Variants in MSRA observed in about 807,000 individuals in gnomAD.
MSRA encodes mitochondrial peptide methionine sulfoxide reductase.
In MSRA, 54 loss-of-function variants were observed where a neutral mutation model predicts 31.3. That is an observed-to-expected ratio of 1.73 (90% CI 1.39 to 2.17). The LOEUF is 2.17. Ranked by LOEUF, MSRA falls within the 30% of genes most tolerant of loss-of-function variation. MSRA has a pLI of 0.00. For missense variants in MSRA, 507 were observed against 300.9 expected (o/e 1.69, Z -5.07); for synonymous variants, 169 against 116.5 (o/e 1.45, Z -2.90).
intron 3 of MSRA, among the ~76,000 whole-genome samples, chr8:10,264,100 A>C (rs1481944265): frequency 6.6e-6 from 1 of 152,192 alleles, no homozygotes; most frequent in Admixed American, 6.5e-5. Context: ...GAGCCTTCCA[A>C]GTTTATATGA....
intron 1 of MSRA, among the ~76,000 whole-genome samples, chr8:10,140,272 C>T (rs1232711730): frequency 6.6e-6 from 1 of 152,114 alleles, no homozygotes; most frequent in East Asian, 1.9e-4. Context: ...GGGCACTTCA[C>T]CAATGAGAAT....
At chr8:10,391,064 G>C (rs1292607140) in intron 5 of MSRA, among the ~76,000 whole-genome samples, 2 of 151,924 alleles carry the variant, frequency 1.3e-5, no homozygotes, top group Non-Finnish European at 2.9e-5. Context: ...TCACGTTCTG[G>C]CACTTCAAAA....
intron 1 of MSRA, among the ~76,000 whole-genome samples, chr8:10,157,023 A>G (rs916111404): frequency 2.0e-5 from 3 of 151,728 alleles, no homozygotes; most frequent in African/African-American, 7.3e-5. Flanking sequence ...CCAGGAGGAG[A>G]CAGGCTCAGG....
At chr8:10,399,272 G>T (rs1330082704) in intron 5 of MSRA, among the ~76,000 whole-genome samples, 3 of 152,186 alleles carry the variant, frequency 2.0e-5, no homozygotes, top group Non-Finnish European at 4.4e-5. Flanking sequence ...AAATGAGCAT[G>T]GTCTACTGTA....
chr8:10,403,813 C>G (rs909901823), intron 5 of MSRA, among the ~76,000 whole-genome samples: 1 of 152,230 alleles, frequency 6.6e-6, no homozygotes, highest in African/African-American at 2.4e-5. Context: ...TCTGCATGCC[C>G]AGGCCGTGTG....
chr8:10,289,400 G>T (rs1051386120), intron 3 of MSRA, among the ~76,000 whole-genome samples: 1 of 151,744 alleles, frequency 6.6e-6, no homozygotes. Context: ...CAAGATAGTG[G>T]GTATATATAT....
chr8:10,169,074 G>C (rs907677378), intron 1 of MSRA, among the ~76,000 whole-genome samples: 4 of 152,178 alleles, frequency 2.6e-5, no homozygotes, highest in Non-Finnish European at 5.9e-5. Context: ...GCTGGCAGGA[G>C]ATAGCTCTCT....
chr8:10,415,955 G>A (rs1433504528), intron 5 of MSRA, among the ~76,000 whole-genome samples: 2 of 151,886 alleles, frequency 1.3e-5, no homozygotes, highest in African/African-American at 2.4e-5. Flanking sequence ...CCTCTGCCTC[G>A]CGTGGTGGAT....
intron 5 of MSRA, chr8:10,337,712 G>A: frequency 1.4e-6 from 1 of 702,600 alleles, no homozygotes; most frequent in Non-Finnish European, 2.6e-6. Context: ...TCGGCAGCTG[G>A]TGCTTCCCTG....
At chr8:10,224,451 G>A (rs1194575903) in intron 2 of MSRA, among the ~76,000 whole-genome samples, 1 of 151,978 alleles carries the variant, frequency 6.6e-6, no homozygotes, top group Non-Finnish European at 1.5e-5. Flanking sequence ...TCACAAAAGA[G>A]CTTGATTTTC....
At chr8:10,352,972 C>T (rs140974250) in intron 5 of MSRA, among the ~76,000 whole-genome samples, 6 of 151,988 alleles carry the variant, frequency 3.9e-5, no homozygotes, top group African/African-American at 4.8e-5. Flanking sequence ...ACTGTCTTTG[C>T]GGTGTGCTCT....
chr8:10,222,938 T>C (rs752297682), intron 2 of MSRA, among the ~76,000 whole-genome samples: 25 of 152,136 alleles, frequency 1.6e-4, no homozygotes, highest in Non-Finnish European at 3.2e-4. Flanking sequence ...CACTTGAAAA[T>C]TGCTAAGAGA....
intron 1 of MSRA, among the ~76,000 whole-genome samples, chr8:10,206,156 G>C (rs112077111): frequency 2.7e-4 from 41 of 152,292 alleles, no homozygotes; most frequent in Middle Eastern, 3.4e-3. Flanking sequence ...ACCACTGACA[G>C]GGCTGTGAGG....
chr8:10,180,632 C>T lies in MSRA; in HGVS notation c.143-27201C>T, dbSNP rs182771903. Among the ~76,000 whole-genome samples, 165 of 152,282 alleles carry T rather than the reference C, an allele frequency of 1.1e-3. 2 individuals are homozygous for T. The highest frequency in any genetic ancestry group is 3.5e-3 in the Admixed American group (54 of 15,294). ...GACTAACAAGATGCTCCCCTTACCC[C>T]CATCACTCAGAATACCAAGGGTTTT... is the stretch of plus-strand genomic sequence containing the variant. On this transcript the variant is annotated intron_variant, in intron 1 of 5. Coordinates refer to ENST00000317173, the MANE Select transcript of MSRA (RefSeq NM_012331.5).
At chr8:10,424,984 C>T (rs948818440) in intron 5 of MSRA, among the ~76,000 whole-genome samples, 1 of 152,236 alleles carries the variant, frequency 6.6e-6, no homozygotes, top group Admixed American at 6.5e-5. Context: ...GGAGGGAGAC[C>T]TCGCAGAATG....
At chr8:10,114,353 A>C (rs564115935) in intron 1 of MSRA, among the ~76,000 whole-genome samples, 75 of 152,320 alleles carry the variant, frequency 4.9e-4, no homozygotes, top group African/African-American at 1.7e-3. Context: ...GGCCAGACGT[A>C]AGAGTGGAAT....
At chr8:10,383,956 G>T (rs188170256) in intron 5 of MSRA, among the ~76,000 whole-genome samples, 137 of 152,268 alleles carry the variant, frequency 9.0e-4, no homozygotes, top group Non-Finnish European at 1.7e-3. Flanking sequence ...TTTCCCAGGG[G>T]CTCAGAGGGT....
rs574140754 is a variant in MSRA at position 10,412,362 on chromosome 8, C to T, written c.544-15786C>T. ...GTTCCCTGGTACTTTGTGTAATGCC[C>T]GAATAGGGACACAGTAAATGTGTGC... On this transcript the variant is annotated intron_variant, in intron 5 of 5. Coordinates refer to ENST00000317173, the MANE Select transcript of MSRA (RefSeq NM_012331.5). Among the ~76,000 whole-genome samples, 7 of 152,212 alleles carry T rather than the reference C, an allele frequency of 4.6e-5. No individual in the cohort carries two copies. The South Asian group carries it at 1.0e-3, about 23-fold the overall frequency.
intron 1 of MSRA, among the ~76,000 whole-genome samples, chr8:10,071,962 C>A (rs1050994499): frequency 2.0e-5 from 3 of 152,104 alleles, no homozygotes; most frequent in South Asian, 2.1e-4. Context: ...GTATGGGTCC[C>A]CTGTGTCCAG....
Sources: gnomAD v4.1 joint callset for allele counts (sites outside exome capture counted in the v4.1 genomes callset) on GRCh38, gnomAD v4.1.1 for gene constraint, MANE v1.5 for transcripts, NCBI Gene and HGNC (gene_info 2026-07-23, HGNC 2026-07-21) for gene names.